GPAM: variants seen among roughly 807,000 people sequenced by gnomAD.
GPAM encodes the protein glycerol-3-phosphate acyltransferase 1, mitochondrial.
Under a neutral mutation model 105.0 loss-of-function variants are expected in GPAM, and 56 were observed. The observed-to-expected ratio is 0.53, with a 90% CI of 0.43 to 0.67. GPAM has a LOEUF of 0.67. Among genes scored for constraint, GPAM ranks in the 30% least tolerant of loss-of-function variants. GPAM has a pLI of 0.00. For synonymous variants in GPAM, 368 were observed against 354.4 expected, an observed-to-expected ratio of 1.04 and a Z score of -0.43; for missense variants, 855 against 989.8, an observed-to-expected ratio of 0.86 and a Z score of 1.83.
intron 1 of GPAM, among the ~76,000 whole-genome samples, chr10:112,209,573 T>G (rs1847888620): frequency 6.6e-6 from 1 of 152,124 alleles, no homozygotes; most frequent in African/African-American, 2.4e-5. Context: ...GAGCTGATTG[T>G]GGGGAGAAGC....
chr10:112,168,168 T>C (rs933287980), intron 11 of GPAM, 144 bp downstream of exon 11: 1 of 681,740 alleles, frequency 1.5e-6, no homozygotes, highest in Non-Finnish European at 2.7e-6. Context: ...CTACTCACCA[T>C]GCCCATCCAA....
chr10:112,223,514 C>T, the GPAM span, among the ~76,000 whole-genome samples: 5 of 152,174 alleles, frequency 3.3e-5, no homozygotes, highest in East Asian at 3.8e-4. Context: ...GAACTGAGGG[C>T]GTTAGGGAAC....
At chr10:112,208,888 T>C (rs973448678) in intron 1 of GPAM, among the ~76,000 whole-genome samples, 2 of 152,138 alleles carry the variant, frequency 1.3e-5, no homozygotes, top group Non-Finnish European at 2.9e-5. Context: ...CACCCTAGAC[T>C]GGAAAAAACA....
chr10:112,160,887 G>A lies in GPAM; in HGVS notation c.1495-19C>T, dbSNP rs201843503. The A allele has an allele frequency of 3.6e-5, 58 of 1,608,824 alleles. No individual in the cohort carries two copies. The highest frequency in any genetic ancestry group is 4.7e-5 in the Non-Finnish European group (55 of 1,176,618). Reference sequence around the variant, plus strand: ...CAATTCCCTAAAGAAAGATGGAAACGGTATCATGATGGTGGAAAACCTACT... The same window carrying A: ...CAATTCCCTAAAGAAAGATGGAAACAGTATCATGATGGTGGAAAACCTACT... On this transcript the variant is annotated intron_variant, in intron 15 of 21. Transcript: ENST00000348367.
intron 11 of GPAM, among the ~76,000 whole-genome samples, chr10:112,167,865 A>G (rs1364090572): frequency 6.6e-6 from 1 of 152,224 alleles, no homozygotes; most frequent in Non-Finnish European, 1.5e-5. Flanking sequence ...ATAAAAAGGT[A>G]TACTGAAAAA....
chr10:112,161,013 T>C, intron 15 of GPAM, 145 bp from the exon 16 acceptor site: 1 of 706,700 alleles, frequency 1.4e-6, no homozygotes, highest in Non-Finnish European at 2.5e-6. Flanking sequence ...AGAACACCAA[T>C]GCAGAGCGAG....
At chr10:112,163,037 G>A (rs1847150292) in intron 14 of GPAM, among the ~76,000 whole-genome samples, 1 of 152,144 alleles carries the variant, frequency 6.6e-6, no homozygotes, top group South Asian at 2.1e-4. Context: ...AGAGCAGCAA[G>A]AAAGAAATCA....
chr10:112,186,905 T>C (rs1847602704), upstream of GPAM, among the ~76,000 whole-genome samples: 2 of 152,206 alleles, frequency 1.3e-5, no homozygotes. Flanking sequence ...CAATATTTTG[T>C]GGGGTTTATA....
At chr10:112,174,099 T>TA (rs1847361343) in intron 6 of GPAM, among the ~76,000 whole-genome samples, 1 of 103,218 alleles carries the variant, frequency 9.7e-6, no homozygotes, top group South Asian at 4.7e-4. Flanking sequence ...TCAAATTTAC[T>TA]GGGTGAATTT....
intron 1 of GPAM, among the ~76,000 whole-genome samples, chr10:112,214,821 T>C (rs1177932068): frequency 6.6e-6 from 1 of 152,190 alleles, no homozygotes; most frequent in African/African-American, 2.4e-5. Flanking sequence ...TCCAAAACCT[T>C]CTCAGGATTT....
intron 11 of GPAM, among the ~76,000 whole-genome samples, chr10:112,167,923 A>C (rs1006349147): frequency 1.3e-5 from 2 of 152,132 alleles, no homozygotes; most frequent in Non-Finnish European, 2.9e-5. Flanking sequence ...TGCCAACATG[A>C]CCCCACAAGT....
chr10:112,171,760 G>A (rs1847316968), intron 9 of GPAM, among the ~76,000 whole-genome samples: 1 of 152,174 alleles, frequency 6.6e-6, no homozygotes, highest in African/African-American at 2.4e-5. Flanking sequence ...TTTTTAAGTG[G>A]TTCTAGCTCT....
At chr10:112,224,849 A>G in the GPAM span, among the ~76,000 whole-genome samples, 8 of 152,278 alleles carry the variant, frequency 5.3e-5, no homozygotes, top group African/African-American at 1.9e-4. Flanking sequence ...AGCTCTCGGC[A>G]GGAAAAATGC....
upstream of GPAM, among the ~76,000 whole-genome samples, chr10:112,218,719 T>C (rs1488822016): frequency 1.2e-4 from 19 of 152,230 alleles, no homozygotes; most frequent in Admixed American, 1.0e-3. Flanking sequence ...GGATGGATTA[T>C]TCACAAATTT....
In GPAM at chr10:112,150,143, A is replaced by G; in HGVS notation, c.*3407T>C. On this transcript the variant is annotated 3_prime_UTR_variant, in exon 22 of 22. Transcript: ENST00000348367. ...AAATGCAATCATTAGTTTGTATTAA[A>G]CTAAAATGCCAGACGGCAAGTCTCA... 7 of 985,002 alleles carry G rather than the reference A, an allele frequency of 7.1e-6. No individual in the cohort carries two copies. Among genetic ancestry groups the G allele is most frequent in the Non-Finnish European group, 8.4e-6 (7 of 829,492 alleles). 61.0% of individuals were successfully genotyped at this position (985,002 alleles called of 1,614,324 possible).
At position 112,156,873 on chromosome 10, in the gene GPAM, G is replaced by A. The variant is rs146212728; in HGVS notation, c.2121+376C>T. ...ATTGACAGCAAAGAGCTTAATATAT[G>A]AAATTTTGGGAGGGACAGCAAGAGT... On this transcript the variant is annotated intron_variant, in intron 19 of 21. Coordinates refer to ENST00000348367, the MANE Select transcript of GPAM (RefSeq NM_001244949.2). The A allele has an allele frequency of 3.5e-3, 1,174 of 336,000 alleles. 15 individuals carry two copies. The highest frequency in any genetic ancestry group is 0.021 in the African/African-American group (999 of 47,938). The allele number at this position is 336,000 out of a possible 1,614,324, so 20.8% of individuals were successfully genotyped here.
At chr10:112,199,911 C>A (rs1219537331) in intron 1 of GPAM, among the ~76,000 whole-genome samples, 1 of 151,990 alleles carries the variant, frequency 6.6e-6, no homozygotes, top group Non-Finnish European at 1.5e-5. Flanking sequence ...GGGATTATTA[C>A]AATTCAAGGT....
chr10:112,180,880 A>T (rs186708955), intron 3 of GPAM, among the ~76,000 whole-genome samples: 26 of 152,320 alleles, frequency 1.7e-4, no homozygotes, highest in Admixed American at 1.6e-3. Context: ...TAGATAAATC[A>T]ATTCAGACTC....
chr10:112,162,707 T>A (rs899877940), intron 14 of GPAM, among the ~76,000 whole-genome samples: 17 of 152,180 alleles, frequency 1.1e-4, no homozygotes, highest in Non-Finnish European at 1.8e-4. Context: ...TATTGTGTTA[T>A]AAATGGAAAG....
Sources: allele counts gnomAD v4.1 joint callset (sites outside exome capture counted in the v4.1 genomes callset), GRCh38; gene constraint gnomAD v4.1.1; transcripts MANE v1.5; gene names NCBI Gene and HGNC (gene_info 2026-07-23, HGNC 2026-07-21).